UTRN: variants seen among roughly 807,000 people sequenced by gnomAD.
The protein encoded by UTRN is utrophin.
UTRN carries 283 observed loss-of-function variants against 463.9 expected under a neutral mutation model. That is an observed-to-expected ratio of 0.61 (90% CI 0.55 to 0.67). The LOEUF (loss-of-function observed/expected upper bound fraction) is 0.67, where lower values mean the gene tolerates loss of function less well. Among genes scored for constraint, UTRN ranks in the 30% least tolerant of loss-of-function variants. UTRN has a pLI of 0.00. For synonymous variants in UTRN, 1,442 were observed against 1,431.5 expected (o/e 1.01, Z -0.17); for missense variants, 3,922 against 4,084.3 (o/e 0.96, Z 1.08).
intron 52 of UTRN, among the ~76,000 whole-genome samples, chr6:144,692,680 T>G (rs191143238): frequency 3.3e-4 from 51 of 152,314 alleles, no homozygotes; most frequent in African/African-American, 1.2e-3. Context: ...GCTTGTCAGC[T>G]GCATATATGT....
intron 51 of UTRN, among the ~76,000 whole-genome samples, chr6:144,593,979 C>A (rs1181398859): frequency 6.6e-6 from 1 of 152,092 alleles, no homozygotes; most frequent in Non-Finnish European, 1.5e-5. Context: ...CTTCAGAATG[C>A]CTCTTTTAAA....
intron 51 of UTRN, among the ~76,000 whole-genome samples, chr6:144,590,998 G>T (rs752523789): frequency 6.6e-6 from 1 of 152,112 alleles, no homozygotes; most frequent in Non-Finnish European, 1.5e-5. Flanking sequence ...TGTTGTTACC[G>T]TTACCACTAT....
chr6:144,480,180 G>T (rs1176540779), intron 26 of UTRN, among the ~76,000 whole-genome samples, 198 bp downstream of exon 26: 1 of 152,162 alleles, frequency 6.6e-6, no homozygotes, highest in Non-Finnish European at 1.5e-5. Flanking sequence ...CACATATTTG[G>T]CTTGGCCCAT....
Position 144,554,757 on chromosome 6 carries a change from A to G in UTRN, c.6998A>G (p.Asp2333Gly). 2 of 1,614,084 alleles carry G rather than the reference A, an allele frequency of 1.2e-6. No individual in the cohort carries two copies. Among genetic ancestry groups the G allele is most frequent in the South Asian group, 1.1e-5 (1 of 91,082 alleles). Reference sequence around the variant, plus strand: ...GAGCTAAGACAGCAGCAGCTTGAGGACATGATTATTGACAGTCTTCAGTGG... The same window carrying G: ...GAGCTAAGACAGCAGCAGCTTGAGGGCATGATTATTGACAGTCTTCAGTGG... ...GVELRQQQLE[D>G]MIIDSLQWDD... The change falls in exon 49 of 75, where the codon GAC becomes GGC. Residue 2333 changes from aspartate (D) to glycine (G), a missense_variant. This residue lies in a region of UTRN where 1,309 missense variants were observed against 1,452.6 expected (regional missense o/e 0.90). Transcript: ENST00000367545.
At chr6:144,453,509 G>T (rs1236021422) in intron 18 of UTRN, among the ~76,000 whole-genome samples, 1 of 152,006 alleles carries the variant, frequency 6.6e-6, no homozygotes, top group Non-Finnish European at 1.5e-5. Flanking sequence ...TTATTTTTAT[G>T]GCATGGCGTA....
chr6:144,817,269 A>C (rs1299476996), intron 65 of UTRN, among the ~76,000 whole-genome samples: 1 of 152,222 alleles, frequency 6.6e-6, no homozygotes, highest in Non-Finnish European at 1.5e-5. Context: ...TGTTTGATCT[A>C]ATGGGATCTG....
intron 58 of UTRN, among the ~76,000 whole-genome samples, chr6:144,770,347 T>C (rs1158012103): frequency 6.6e-6 from 1 of 152,218 alleles, no homozygotes; most frequent in East Asian, 1.9e-4. Context: ...TGATATTCTT[T>C]TCCCAGTGAC....
At position 144,827,349 on chromosome 6, in the gene UTRN, C is replaced by G; in HGVS notation, c.9496C>G (p.Pro3166Ala). ...TVLEGDNLET[P>A]ITLISMWPEH... ...TGTCTCCCTCTCCCCTCTTTGCAGT[C>G]CTATCACACTCATCAGTATGTGGCC... Residue 3166 changes from proline (P) to alanine (A), a missense_variant and splice_region_variant, in exon 67 of 75, where the codon CCT becomes GCT. By Grantham distance (27) the Pro-to-Ala change is conservative (BLOSUM62 -1). Around this residue, in one of 3 missense-constraint regions of UTRN, gnomAD observed 1,309 missense variants for 1,452.6 expected, o/e 0.90. Transcript: ENST00000367545. 2 of 1,613,386 alleles carry G rather than the reference C, an allele frequency of 1.2e-6. No homozygotes were observed. The highest frequency in any genetic ancestry group is 1.7e-6 in the Non-Finnish European group (2 of 1,179,572).
chr6:144,729,394 T>C (rs1788279229), intron 53 of UTRN, among the ~76,000 whole-genome samples: 1 of 152,172 alleles, frequency 6.6e-6, no homozygotes, highest in Non-Finnish European at 1.5e-5. Context: ...TACTAAAAAT[T>C]TAGTTGTCTT....
chr6:144,839,745 A>T (rs903112471), intron 72 of UTRN, among the ~76,000 whole-genome samples: 2 of 152,216 alleles, frequency 1.3e-5, no homozygotes, highest in Non-Finnish European at 2.9e-5. Context: ...GTCCCATCAG[A>T]GGCAGCGGTC....
At chr6:144,771,115 G>A (rs1158405032) in intron 58 of UTRN, among the ~76,000 whole-genome samples, 1 of 152,130 alleles carries the variant, frequency 6.6e-6, no homozygotes, top group Non-Finnish European at 1.5e-5. Context: ...GGTTTATTCT[G>A]GAGCCTGCAT....
chr6:144,618,360 T>C (rs1016099923), intron 51 of UTRN, among the ~76,000 whole-genome samples: 3 of 152,186 alleles, frequency 2.0e-5, no homozygotes, highest in African/African-American at 7.2e-5. Flanking sequence ...GTACAGTGCT[T>C]CCTTGAGTGT....
At chr6:144,448,910 A>T in intron 17 of UTRN, 141 bp downstream of exon 17, 2 of 965,504 alleles carry the variant, frequency 2.1e-6, no homozygotes, top group East Asian at 5.5e-5. Context: ...CAACTACTGA[A>T]CCACTCACTG....
At chr6:144,607,198 TTTTCTATG>T (rs1249259385) in intron 51 of UTRN, among the ~76,000 whole-genome samples, 5 of 152,194 alleles carry the variant, frequency 3.3e-5, no homozygotes, top group Non-Finnish European at 7.3e-5. Flanking sequence ...AGCTGAAATA[TTTTCTATG>T]TATGTCTTGT....
At chr6:144,819,207 AATG>A (rs1338412122) in intron 65 of UTRN, among the ~76,000 whole-genome samples, 1 of 152,168 alleles carries the variant, frequency 6.6e-6, no homozygotes. Flanking sequence ...ATGAATTTTA[AATG>A]ATAAGTAGCT....
chr6:144,740,494 C>G (rs1789926800), intron 54 of UTRN, among the ~76,000 whole-genome samples: 1 of 152,018 alleles, frequency 6.6e-6, no homozygotes, highest in Non-Finnish European at 1.5e-5. Context: ...TGCTTTCAGG[C>G]CTATAGACCA....
intron 51 of UTRN, among the ~76,000 whole-genome samples, chr6:144,628,406 T>G (rs1222231362): frequency 6.6e-6 from 1 of 152,170 alleles, no homozygotes; most frequent in Non-Finnish European, 1.5e-5. Flanking sequence ...GTTAGCCCCT[T>G]TTTTTTGAAA....
chr6:144,553,476 T>A (rs1043825696), intron 48 of UTRN, among the ~76,000 whole-genome samples: 1 of 152,232 alleles, frequency 6.6e-6, no homozygotes, highest in Non-Finnish European at 1.5e-5. Flanking sequence ...GCCTTTCTTT[T>A]TGTCTGATAT....
intron 53 of UTRN, among the ~76,000 whole-genome samples, chr6:144,729,108 C>A (rs1788247235): frequency 6.6e-6 from 1 of 152,094 alleles, no homozygotes. Flanking sequence ...TTCAATCAAG[C>A]ACTCTACTCT....
Sources: allele counts gnomAD v4.1 joint callset (sites outside exome capture counted in the v4.1 genomes callset), GRCh38; gene constraint gnomAD v4.1.1; regional missense constraint gnomAD v4.1.1; transcripts MANE v1.5; gene names NCBI Gene and HGNC (gene_info 2026-07-23, HGNC 2026-07-21).